Variants in SLC35D4 observed in about 807,000 individuals in gnomAD.
SLC35D4 encodes the protein UDP-N-acetylglucosamine transporter SLC35D4.
chr18:23,415,322 G>A, the SLC35D4 span, among the ~76,000 whole-genome samples: 773 of 152,290 alleles, frequency 5.1e-3, 6 homozygotes, highest in African/African-American at 0.018. Context: ...CAAAGGTATT[G>A]TAGCATAAAA....
At chr18:23,245,194 C>T in the SLC35D4 span, among the ~76,000 whole-genome samples, 1 of 152,112 alleles carries the variant, frequency 6.6e-6, no homozygotes, top group Admixed American at 6.5e-5. Context: ...CATGACAAGT[C>T]AAGACTTTGT....
the SLC35D4 span, among the ~76,000 whole-genome samples, chr18:23,413,114 C>T: frequency 3.3e-5 from 5 of 152,228 alleles, no homozygotes; most frequent in East Asian, 9.6e-4. Context: ...AGCAATCTTC[C>T]TGCCTCAGAC....
At chr18:23,392,562 T>C in the SLC35D4 span, among the ~76,000 whole-genome samples, 1 of 152,146 alleles carries the variant, frequency 6.6e-6, no homozygotes, top group Non-Finnish European at 1.5e-5. Flanking sequence ...AGCTGCCTGG[T>C]GTGTAAGGGC....
chr18:23,431,153 C>CAAAAAAAAAAAAAAAAAAAAA, the SLC35D4 span, among the ~76,000 whole-genome samples: 3 of 66,242 alleles, frequency 4.5e-5, no homozygotes, highest in African/African-American at 1.3e-4. Flanking sequence ...GAGTATATCT[C>CAAAAAAAAAAAAAAAAAAAAA]AAAAAAAAAA....
chr18:23,364,411 C>T, the SLC35D4 span, among the ~76,000 whole-genome samples: 3 of 152,192 alleles, frequency 2.0e-5, no homozygotes, highest in Non-Finnish European at 2.9e-5. Flanking sequence ...CTTTGCACCA[C>T]ACTCCACGAA....
At chr18:23,415,393 TATAAC>T in the SLC35D4 span, among the ~76,000 whole-genome samples, 3 of 152,198 alleles carry the variant, frequency 2.0e-5, no homozygotes, top group Admixed American at 2.0e-4. Flanking sequence ...CTCTCTTACT[TATAAC>T]AGACGAAAAG....
the SLC35D4 span, chr18:23,421,373 C>A: frequency 6.2e-7 from 1 of 1,613,884 alleles, no homozygotes; most frequent in South Asian, 1.1e-5. Flanking sequence ...ATACCTTGAA[C>A]TGCTGTTGAT....
the SLC35D4 span, among the ~76,000 whole-genome samples, chr18:23,304,055 T>A: frequency 9.1e-5 from 13 of 142,858 alleles, no homozygotes; most frequent in South Asian, 2.2e-4. Context: ...GTGTTTAAAT[T>A]AAAAAAAAAA....
chr18:23,421,751 A>G, the SLC35D4 span, among the ~76,000 whole-genome samples: 2 of 142,628 alleles, frequency 1.4e-5, no homozygotes, highest in African/African-American at 5.3e-5. Flanking sequence ...ATCTCGGCTC[A>G]CTGCAACCTC....
the SLC35D4 span, among the ~76,000 whole-genome samples, chr18:23,400,790 T>A: frequency 6.6e-6 from 1 of 152,150 alleles, no homozygotes; most frequent in Non-Finnish European, 1.5e-5. Flanking sequence ...CAAGAAATGT[T>A]CTTTGTTAAT....
the SLC35D4 span, among the ~76,000 whole-genome samples, chr18:23,396,347 C>A: frequency 6.6e-6 from 1 of 152,184 alleles, no homozygotes; most frequent in South Asian, 2.1e-4. Flanking sequence ...AAACTGACAG[C>A]TTGGCACCAG....
chr18:23,287,188 T>C, the SLC35D4 span, among the ~76,000 whole-genome samples: 1 of 152,250 alleles, frequency 6.6e-6, no homozygotes, highest in East Asian at 1.9e-4. Context: ...TAGTTCAGGA[T>C]CTATGACTTA....
the SLC35D4 span, among the ~76,000 whole-genome samples, chr18:23,278,233 C>T: frequency 6.6e-6 from 1 of 152,196 alleles, no homozygotes; most frequent in Non-Finnish European, 1.5e-5. Context: ...GGTGCCCTGG[C>T]TGAGTACAGA....
At chr18:23,245,018 G>C in the SLC35D4 span, among the ~76,000 whole-genome samples, 2 of 152,206 alleles carry the variant, frequency 1.3e-5, no homozygotes, top group African/African-American at 4.8e-5. Flanking sequence ...CAACCTGTCT[G>C]CTCTGAGACC....
the SLC35D4 span, among the ~76,000 whole-genome samples, chr18:23,376,402 C>T: frequency 6.6e-6 from 1 of 152,330 alleles, no homozygotes; most frequent in East Asian, 1.9e-4. Flanking sequence ...GCTGAGGCCC[C>T]AGAGCCTTGG....
chr18:23,283,487 A>G, the SLC35D4 span, among the ~76,000 whole-genome samples: 2 of 149,638 alleles, frequency 1.3e-5, no homozygotes, highest in Non-Finnish European at 3.0e-5. Context: ...AAAAAAAAAA[A>G]AAAAAAGAAA....
chr18:23,258,238 T>G, the SLC35D4 span: 1 of 152,634 alleles, frequency 6.6e-6, no homozygotes, highest in Admixed American at 6.5e-5. Flanking sequence ...ACTGTGGAGA[T>G]GGCTGGGGCG....
chr18:23,269,754 T>C, the SLC35D4 span, among the ~76,000 whole-genome samples: 3 of 152,200 alleles, frequency 2.0e-5, no homozygotes, highest in South Asian at 4.1e-4. Flanking sequence ...TGTTGGGAAC[T>C]GGAATAAAGG....
At chr18:23,283,696 C>T in the SLC35D4 span, among the ~76,000 whole-genome samples, 1 of 151,728 alleles carries the variant, frequency 6.6e-6, no homozygotes, top group Middle Eastern at 3.4e-3. Flanking sequence ...GTAATCCCAG[C>T]TACTCAGGAG....
Sources: allele counts gnomAD v4.1 joint callset (sites outside exome capture counted in the v4.1 genomes callset), GRCh38; gene constraint gnomAD v4.1.1; transcripts MANE v1.5; gene names NCBI Gene and HGNC (gene_info 2026-07-23, HGNC 2026-07-21).